Variants in FRMD6 observed in about 807,000 individuals in gnomAD.
The protein encoded by FRMD6 is FERM domain containing 6, also known as FERM domain-containing protein 6.
A neutral mutation model predicts 73.2 loss-of-function variants in FRMD6; 37 were observed. The observed-to-expected ratio is 0.51, with a 90% CI of 0.39 to 0.66. The LOEUF is 0.66. Ranked by LOEUF, FRMD6 falls within the 30% of genes least tolerant of loss-of-function variation. FRMD6 has a pLI of 0.00. For synonymous variants in FRMD6, 273 were observed against 282.2 expected (o/e 0.97, Z 0.33); for missense variants, 714 against 780.5 (o/e 0.91, Z 1.02).
At chr14:51,641,581 A>G (rs1175403342) in intron 2 of FRMD6, among the ~76,000 whole-genome samples, 1 of 152,128 alleles carries the variant, frequency 6.6e-6, no homozygotes, top group Non-Finnish European at 1.5e-5. Context: ...ACTGAGTCCA[A>G]ATATCTCACT....
chr14:51,489,685 T>A (rs1479805531), intron 1 of FRMD6, among the ~76,000 whole-genome samples: 2 of 152,188 alleles, frequency 1.3e-5, no homozygotes, highest in Admixed American at 6.5e-5. Context: ...GAAACTCACA[T>A]CTTCATGACT....
At chr14:51,467,883 C>T in the FRMD6 span, among the ~76,000 whole-genome samples, 1 of 152,032 alleles carries the variant, frequency 6.6e-6, no homozygotes, top group Non-Finnish European at 1.5e-5. Context: ...ACTTCTTAGA[C>T]GGGATGGCGG....
chr14:51,488,168 C>G (rs1482771721), upstream of FRMD6, among the ~76,000 whole-genome samples: 1 of 152,166 alleles, frequency 6.6e-6, no homozygotes, highest in African/African-American at 2.4e-5. Context: ...GCAAAAATTC[C>G]AGGGACGACT....
At chr14:51,637,829 C>T (rs1891641626) in intron 2 of FRMD6, 1 of 152,168 alleles carries the variant, frequency 6.6e-6, no homozygotes, top group South Asian at 2.1e-4. Flanking sequence ...TGACTGTGAT[C>T]CATAAATCCA....
chr14:51,399,207 T>C, the FRMD6 span, among the ~76,000 whole-genome samples: 1 of 152,198 alleles, frequency 6.6e-6, no homozygotes, highest in Non-Finnish European at 1.5e-5. Context: ...CTGCCTTCCT[T>C]AAACATTGCA....
chr14:51,713,585 A>G (rs1007031995), intron 9 of FRMD6: 1 of 152,192 alleles, frequency 6.6e-6, no homozygotes, highest in Non-Finnish European at 1.5e-5. Flanking sequence ...GCCTATGTAA[A>G]TAAAGGGCCA....
intron 1 of FRMD6, among the ~76,000 whole-genome samples, chr14:51,513,568 C>T (rs1884442927): frequency 6.6e-6 from 1 of 152,132 alleles, no homozygotes; most frequent in Admixed American, 6.5e-5. Context: ...CTTATGCTCC[C>T]AGAGAAAATG....
the FRMD6 span, among the ~76,000 whole-genome samples, chr14:51,435,857 G>T: frequency 2.6e-5 from 4 of 152,172 alleles, no homozygotes; most frequent in Non-Finnish European, 4.4e-5. Context: ...TGATCATTGT[G>T]CATTGTATAC....
intron 1 of FRMD6, among the ~76,000 whole-genome samples, chr14:51,558,552 T>C (rs1887287683): frequency 6.6e-6 from 1 of 152,062 alleles, no homozygotes; most frequent in Non-Finnish European, 1.5e-5. Flanking sequence ...CCAACTCTCT[T>C]AGGAGCTAAA....
intron 1 of FRMD6, among the ~76,000 whole-genome samples, chr14:51,528,019 G>A (rs1885359881): frequency 6.6e-6 from 1 of 152,146 alleles, no homozygotes; most frequent in South Asian, 2.1e-4. Context: ...CCTCATGCCT[G>A]TGGTCCCAGC....
chr14:51,621,228 T>TA (rs1225780745), intron 2 of FRMD6, among the ~76,000 whole-genome samples: 1 of 152,164 alleles, frequency 6.6e-6, no homozygotes, highest in Non-Finnish European at 1.5e-5. Flanking sequence ...CTTGATGTTA[T>TA]AACTCAAAGG....
rs145150623 is a variant in FRMD6, at chr14:51,693,453, G to A, written c.99+3518G>A. Among the ~76,000 whole-genome samples the A allele has an allele frequency of 2.1e-3, 317 of 152,256 alleles. 1 individual carries two copies. The highest frequency in any genetic ancestry group is 3.4e-3 in the Non-Finnish European group (232 of 68,018). On this transcript the variant is annotated intron_variant, in intron 2 of 13. Coordinates refer to ENST00000344768, the MANE Select transcript of FRMD6 (RefSeq NM_001267046.2). ...GTGGGTTTTGGAGTCACAGGTACCT[G>A]GGTTGAAATCCCTACTCCACAACTT...
chr14:51,580,433 AT>A (rs1888655894), intron 2 of FRMD6, among the ~76,000 whole-genome samples: 2 of 152,196 alleles, frequency 1.3e-5, no homozygotes, highest in Non-Finnish European at 2.9e-5. Flanking sequence ...TATTTCTTAT[AT>A]TAACCCTATA....
chr14:51,568,165 T>C (rs1473848312), intron 1 of FRMD6, among the ~76,000 whole-genome samples: 1 of 152,270 alleles, frequency 6.6e-6, no homozygotes, highest in Non-Finnish European at 1.5e-5. Flanking sequence ...CTATATTTAG[T>C]CCCATGGAGG....
At chr14:51,459,884 CTTTTTTTTT>C in the FRMD6 span, among the ~76,000 whole-genome samples, 8 of 74,644 alleles carry the variant, frequency 1.1e-4, no homozygotes, top group Admixed American at 2.0e-4. Flanking sequence ...TACTGACTCT[CTTTTTTTTT>C]TTTTTTTTTT....
At chr14:51,529,862 AG>A (rs1471126887) in intron 1 of FRMD6, among the ~76,000 whole-genome samples, 1 of 152,200 alleles carries the variant, frequency 6.6e-6, no homozygotes, top group Non-Finnish European at 1.5e-5. Context: ...AACCAACAAA[AG>A]CACGTTCTGA....
intron 2 of FRMD6, among the ~76,000 whole-genome samples, chr14:51,609,478 G>C (rs7154010): frequency 0.71 from 108,468 of 152,158 alleles, 39,033 homozygotes; most frequent in Middle Eastern, 0.79. Context: ...AGGAAGGAGG[G>C]AGAGGGCCAC....
At chr14:51,696,162 A>G (rs1446920762) in intron 2 of FRMD6, among the ~76,000 whole-genome samples, 1 of 151,396 alleles carries the variant, frequency 6.6e-6, no homozygotes, top group Non-Finnish European at 1.5e-5. Context: ...TAATACACAA[A>G]TAAGCTGTGA....
the FRMD6 span, chr14:51,436,915 AGAT>A: frequency 1.3e-5 from 12 of 912,812 alleles, no homozygotes; most frequent in East Asian, 1.0e-4. Flanking sequence ...AAGAAGAAGA[AGAT>A]GATGATGAAG....
Sources: allele counts gnomAD v4.1 joint callset (sites outside exome capture counted in the v4.1 genomes callset), GRCh38; gene constraint gnomAD v4.1.1; transcripts MANE v1.5; gene names NCBI Gene and HGNC (gene_info 2026-07-23, HGNC 2026-07-21).